The following COL10A1 variants were observed in gnomAD, a reference collection of about 807,000 sequenced individuals.
COL10A1 encodes collagen type X alpha 1 chain.
A neutral mutation model predicts 18.2 loss-of-function variants in COL10A1; 10 were observed. The ratio of observed to expected loss-of-function variants is 0.55; its 90% confidence interval spans 0.34 to 0.93. The LOEUF (loss-of-function observed/expected upper bound fraction) is 0.93, where lower values mean the gene tolerates loss of function less well. Ranked by LOEUF, COL10A1 falls within the 40% of genes least tolerant of loss-of-function variation. The probability of loss-of-function intolerance (pLI) is 0.02; values close to 1 mark genes in which losing one functional copy is unlikely to be tolerated. For synonymous variants in COL10A1, 330 were observed against 316.6 expected, an observed-to-expected ratio of 1.04 and a Z score of -0.45; for missense variants, 897 against 853.5, an observed-to-expected ratio of 1.05 and a Z score of -0.64.
chr6:116,128,514 G>A (rs188403415), upstream of COL10A1, among the ~76,000 whole-genome samples: 1 of 152,120 alleles, frequency 6.6e-6, no homozygotes, highest in Non-Finnish European at 1.5e-5. Context: ...TATGAATAAT[G>A]ATTTTTTTCA....
At chr6:116,122,055 A>G in intron 2 of COL10A1, 94 bp from the exon 3 acceptor site, 1 of 1,030,538 alleles carries the variant, frequency 9.7e-7, no homozygotes, top group East Asian at 2.4e-5. Context: ...TTGGGACACG[A>G]TATTTCAGCA....
the COL10A1 span, among the ~76,000 whole-genome samples, chr6:116,201,676 A>G: frequency 6.6e-6 from 1 of 151,930 alleles, no homozygotes; most frequent in Non-Finnish European, 1.5e-5. Flanking sequence ...TGAAGTCGGG[A>G]AGGTAATATG....
At chr6:116,168,075 C>G in the COL10A1 span, among the ~76,000 whole-genome samples, 1 of 143,804 alleles carries the variant, frequency 7.0e-6, no homozygotes, top group Admixed American at 6.9e-5. Flanking sequence ...TTATGATGTA[C>G]CTGGTGTCTT....
chr6:116,188,538 A>G, the COL10A1 span, among the ~76,000 whole-genome samples: 4 of 152,132 alleles, frequency 2.6e-5, no homozygotes, highest in South Asian at 8.3e-4. Context: ...GTAATACAGG[A>G]TATACATATT....
At chr6:116,177,202 C>T in the COL10A1 span, among the ~76,000 whole-genome samples, 1 of 152,166 alleles carries the variant, frequency 6.6e-6, no homozygotes, top group Non-Finnish European at 1.5e-5. Flanking sequence ...ATTCTCAATA[C>T]AAATAATTAA....
chr6:116,136,798 TC>T (rs1779617853), intron 1 of COL10A1, among the ~76,000 whole-genome samples: 1 of 152,216 alleles, frequency 6.6e-6, no homozygotes, highest in Non-Finnish European at 1.5e-5. Flanking sequence ...AATCTGTTAC[TC>T]AGAACAAGAA....
the COL10A1 span, among the ~76,000 whole-genome samples, chr6:116,203,138 T>C: frequency 6.6e-6 from 1 of 152,138 alleles, no homozygotes; most frequent in African/African-American, 2.4e-5. Flanking sequence ...CAAACCAAAT[T>C]ACCAAGTGGT....
the COL10A1 span, among the ~76,000 whole-genome samples, chr6:116,177,979 C>T: frequency 1.3e-5 from 2 of 152,044 alleles, no homozygotes; most frequent in South Asian, 4.1e-4. Context: ...CCTTTCACTG[C>T]AGCATCAAGG....
At chr6:116,203,576 T>C in the COL10A1 span, among the ~76,000 whole-genome samples, 1 of 147,658 alleles carries the variant, frequency 6.8e-6, no homozygotes, top group Non-Finnish European at 1.5e-5. Flanking sequence ...CTGTACAATA[T>C]GCCATTATAT....
chr6:116,133,820 T>A (rs1406774713), intron 1 of COL10A1, among the ~76,000 whole-genome samples: 1 of 152,182 alleles, frequency 6.6e-6, no homozygotes, highest in East Asian at 1.9e-4. Context: ...GTTTCCTCTT[T>A]GCCTGCTTTC....
At chr6:116,145,409 A>T (rs1319850673) in intron 1 of COL10A1, 1 of 340,624 alleles carries the variant, frequency 2.9e-6, no homozygotes, top group Non-Finnish European at 6.6e-6. Context: ...CAAAATGCAA[A>T]ACTTTTTCTG....
chr6:116,167,361 C>T, the COL10A1 span, among the ~76,000 whole-genome samples: 1 of 151,830 alleles, frequency 6.6e-6, no homozygotes, highest in Non-Finnish European at 1.5e-5. Context: ...TACAGGCATG[C>T]GCCACCACTG....
At chr6:116,142,500 C>G (rs1413164016) in intron 1 of COL10A1, among the ~76,000 whole-genome samples, 1 of 152,030 alleles carries the variant, frequency 6.6e-6, no homozygotes, top group Non-Finnish European at 1.5e-5. Context: ...TATAAACTTA[C>G]TTCTGATTAT....
At chr6:116,161,659 T>C (rs1396736275), upstream of COL10A1, among the ~76,000 whole-genome samples, 1 of 152,222 alleles carries the variant, frequency 6.6e-6, no homozygotes, top group Non-Finnish European at 1.5e-5. Flanking sequence ...AGTCAGGTTA[T>C]GTAATGCTTG....
intron 1 of COL10A1, among the ~76,000 whole-genome samples, chr6:116,146,425 A>G (rs1779898713): frequency 6.6e-6 from 1 of 152,210 alleles, no homozygotes. Context: ...CTCCATGACA[A>G]TAAGTAAATA....
At chr6:116,185,431 TGATGGCCTGTCTA>T in the COL10A1 span, among the ~76,000 whole-genome samples, 17 of 152,234 alleles carry the variant, frequency 1.1e-4, no homozygotes, top group Admixed American at 7.8e-4. Context: ...CTTTCTGTCT[TGATGGCCTGTCTA>T]ATGCTGTCAG....
the COL10A1 span, among the ~76,000 whole-genome samples, chr6:116,183,646 A>AT: frequency 3.7e-4 from 54 of 146,684 alleles, 1 homozygote; most frequent in East Asian, 1.4e-3. Context: ...TTATTTTATT[A>AT]TTTTTTTTTT....
intron 2 of COL10A1, among the ~76,000 whole-genome samples, chr6:116,123,371 G>T (rs1177136902): frequency 6.6e-6 from 1 of 152,160 alleles, no homozygotes; most frequent in Non-Finnish European, 1.5e-5. Context: ...CTGTTTGTAG[G>T]TTGTCATCTG....
At chr6:116,136,478 A>G (rs1779606320) in intron 1 of COL10A1, among the ~76,000 whole-genome samples, 4 of 151,988 alleles carry the variant, frequency 2.6e-5, no homozygotes, top group Non-Finnish European at 4.4e-5. Context: ...GTTTTTTTTA[A>G]AAGAAGAAAA....
Sources: gnomAD v4.1 joint callset for allele counts (sites outside exome capture counted in the v4.1 genomes callset) on GRCh38, gnomAD v4.1.1 for gene constraint, MANE v1.5 for transcripts, NCBI Gene and HGNC (gene_info 2026-07-23, HGNC 2026-07-21) for gene names.